The following CERKL variants were observed in gnomAD, a reference collection of about 807,000 sequenced individuals.
CERKL encodes the protein CERK like autophagy regulator.
In CERKL, 61 loss-of-function variants were observed where a neutral mutation model predicts 63.4. That is an observed-to-expected ratio of 0.96 (90% CI 0.78 to 1.19). The LOEUF (loss-of-function observed/expected upper bound fraction) is 1.19, where lower values mean the gene tolerates loss of function less well. CERKL is among the 50% of genes most tolerant of loss of function. The pLI is 0.00. For synonymous variants in CERKL, 250 were observed against 230.5 expected (o/e 1.08, Z -0.77); for missense variants, 675 against 655.5 (o/e 1.03, Z -0.33).
chr2:181,561,061 G>A (rs1441632128), intron 4 of CERKL, among the ~76,000 whole-genome samples: 1 of 152,098 alleles, frequency 6.6e-6, no homozygotes, highest in African/African-American at 2.4e-5. Flanking sequence ...AAGGGAGGTT[G>A]GATATGCCTC....
At chr2:181,592,283 G>C (rs1685020859) in intron 2 of CERKL, among the ~76,000 whole-genome samples, 1 of 151,910 alleles carries the variant, frequency 6.6e-6, no homozygotes, top group Non-Finnish European at 1.5e-5. Flanking sequence ...CTCTAAAATT[G>C]CCAGATCAAT....
chr2:181,574,268 A>G (rs1689030093), intron 2 of CERKL, among the ~76,000 whole-genome samples: 1 of 152,166 alleles, frequency 6.6e-6, no homozygotes, highest in Admixed American at 6.5e-5. Flanking sequence ...AGAAGGGTAC[A>G]TTTCCTCTCC....
chr2:181,574,032 T>G lies in CERKL; in HGVS notation c.482-148A>C, dbSNP rs148165004. 1.0e-4 allele frequency: 72 copies of G among 714,136 alleles called. No individual in the cohort carries two copies. The African/African-American group carries it at 1.1e-3, about 10-fold the overall frequency. 44.2% of individuals were successfully genotyped at this position (714,136 alleles called of 1,614,324 possible). ...ATTTGAAATTCTTGCAAGAGTATTC[T>G]GAATATAACTTTATTTGAAAACATT... On this transcript the variant is annotated intron_variant, in intron 2 of 12. Coordinates refer to ENST00000410087, the MANE Select transcript of CERKL (RefSeq NM_201548.5).
intron 11 of CERKL, among the ~76,000 whole-genome samples, chr2:181,541,329 G>A (rs926155687): frequency 6.6e-6 from 1 of 152,154 alleles, no homozygotes; most frequent in Non-Finnish European, 1.5e-5. Context: ...TGCTGACATT[G>A]TCTTGCAGCT....
chr2:181,603,922 T>C lies in CERKL; in HGVS notation c.396A>G (p.Lys132=), dbSNP rs753852901. The C allele has an allele frequency of 1.9e-6, 3 of 1,613,008 alleles. No individual in the cohort carries two copies. The highest frequency in any genetic ancestry group is 2.7e-5 in the African/African-American group (2 of 74,872). Residue 132 remains lysine (K), a synonymous_variant, in exon 2 of 13, where the codon AAA becomes AAG. Coordinates refer to ENST00000410087, the MANE Select transcript of CERKL (RefSeq NM_201548.5). ...TAAGATCAAGTGTAGAATTCTTTAGTTTATTTTGTTCCTTTTTCAAGCAGA... is the reference window on the plus strand; with the variant it reads ...TAAGATCAAGTGTAGAATTCTTTAGCTTATTTTGTTCCTTTTTCAAGCAGA... ...LFICLKKEQN[K]LKNSTLDLIN... is the part of the protein sequence containing the mutation.
At chr2:181,561,024 C>G (rs923146070) in intron 4 of CERKL, among the ~76,000 whole-genome samples, 1 of 152,122 alleles carries the variant, frequency 6.6e-6, no homozygotes, top group Non-Finnish European at 1.5e-5. Context: ...CAAAGAAAAT[C>G]TGAAAAACTA....
chr2:181,536,913 A>T lies in CERKL; in HGVS notation c.*1271T>A, dbSNP rs377401732. The T allele has an allele frequency of 2.2e-6, 1 of 453,516 alleles. No homozygotes were observed. The highest frequency in any genetic ancestry group is 7.0e-5 in the East Asian group (1 of 14,388). 28.1% of individuals were successfully genotyped at this position (453,516 alleles called of 1,614,324 possible). On this transcript the variant is annotated 3_prime_UTR_variant, in exon 13 of 13. Transcript: ENST00000410087. ...GATCAAATTAGAAGGCAATGTGGAA[A>T]AACAATTCTGGGAAAGATTTCTTTA... is the stretch of plus-strand genomic sequence containing the variant.
At chr2:181,587,033 C>T (rs569541165) in intron 2 of CERKL, among the ~76,000 whole-genome samples, 1 of 152,146 alleles carries the variant, frequency 6.6e-6, no homozygotes, top group East Asian at 1.9e-4. Flanking sequence ...TTAAACTATG[C>T]CCAGTTAATG....
chr2:181,629,390 A>C (rs1229944666), intron 1 of CERKL, among the ~76,000 whole-genome samples: 3 of 152,232 alleles, frequency 2.0e-5, no homozygotes, highest in Admixed American at 6.5e-5. Context: ...GTAAATGCTC[A>C]GACCTGAATA....
intron 6 of CERKL, 106 bp from the exon 7 acceptor site, chr2:181,548,963 T>C (rs933742760): frequency 3.1e-6 from 3 of 957,862 alleles, no homozygotes; most frequent in Non-Finnish European, 4.9e-6. Flanking sequence ...TATCTAAAGG[T>C]ACTGTAGACC....
intron 1 of CERKL, among the ~76,000 whole-genome samples, chr2:181,607,676 G>T (rs764033873): frequency 1.3e-5 from 2 of 152,266 alleles, no homozygotes; most frequent in Admixed American, 1.3e-4. Flanking sequence ...TATGGCCAGG[G>T]TCCCCAAAAT....
At chr2:181,610,870 C>T (rs1023729766) in intron 1 of CERKL, among the ~76,000 whole-genome samples, 2 of 151,918 alleles carry the variant, frequency 1.3e-5, no homozygotes, top group Admixed American at 6.6e-5. Context: ...GGTTTTGATC[C>T]AGCAATTTAC....
At chr2:181,587,198 C>G (rs1246712134) in intron 2 of CERKL, among the ~76,000 whole-genome samples, 1 of 152,126 alleles carries the variant, frequency 6.6e-6, no homozygotes, top group African/African-American at 2.4e-5. Context: ...TCTTTACATA[C>G]ACAGATGAAA....
intron 3 of CERKL, among the ~76,000 whole-genome samples, chr2:181,567,622 G>A (rs1688720911): frequency 6.6e-6 from 1 of 152,036 alleles, no homozygotes; most frequent in Admixed American, 6.6e-5. Context: ...AAAATGAAAA[G>A]AACCTGACTA....
chr2:181,604,011 G>C lies in CERKL; in HGVS notation c.307C>G (p.Leu103Val), dbSNP rs759876459. ...TGTTTAACAGAACAACGCCGTTTCA[G>C]TTTCACAGAGAATATGTCTTTGAGT... ...IELKDIFSVK[L>V]KRRCSVKQQR... The change falls in exon 2 of 13, where the codon CTG (leucine) becomes GTG (valine). Residue 103 changes from leucine to valine, a missense_variant. By Grantham distance (32) the Leu-to-Val change is conservative (BLOSUM62 1). Transcript: ENST00000410087. 6.2e-7 allele frequency: 1 copy of C among 1,612,190 alleles called. No homozygotes were observed. The highest frequency in any genetic ancestry group is 8.5e-7 in the Non-Finnish European group (1 of 1,178,748).
At position 181,536,716 on chromosome 2, in the gene CERKL, T is replaced by G. The variant is rs1470030360; in HGVS notation, c.*1468A>C. ...ATTTTTATAGTTTGTTCATACTATA[T>G]GAGGTTCTATTTTAAATGACTTTCT... On this transcript the variant is annotated 3_prime_UTR_variant, in exon 13 of 13. Transcript: ENST00000410087. 1 of 236,938 alleles carries G rather than the reference T, an allele frequency of 4.2e-6. No homozygotes were observed. Among genetic ancestry groups the G allele is most frequent in the East Asian group, 1.1e-4 (1 of 9,232 alleles). The allele number at this position is 236,938 out of a possible 1,614,324, so 14.7% of individuals were successfully genotyped here. A position where few individuals can be genotyped will look rare whatever the true frequency, so the allele number is the denominator to read the frequency against.
intron 1 of CERKL, among the ~76,000 whole-genome samples, chr2:181,620,119 C>A (rs1393192336): frequency 1.3e-5 from 2 of 152,128 alleles, no homozygotes; most frequent in African/African-American, 4.8e-5. Flanking sequence ...CTTTTGTGGC[C>A]TGAACTTGCT....
intron 1 of CERKL, among the ~76,000 whole-genome samples, chr2:181,617,716 T>C (rs1686259492): frequency 6.6e-6 from 1 of 152,182 alleles, no homozygotes; most frequent in South Asian, 2.1e-4. Context: ...AAAATATCCA[T>C]TCAAAGTACA....
At chr2:181,592,562 T>C (rs530909954) in intron 2 of CERKL, among the ~76,000 whole-genome samples, 1 of 152,182 alleles carries the variant, frequency 6.6e-6, no homozygotes, top group Non-Finnish European at 1.5e-5. Flanking sequence ...CTGAATGGCA[T>C]ATCAAAGACA....
Sources: gnomAD v4.1 joint callset for allele counts (sites outside exome capture counted in the v4.1 genomes callset) on GRCh38, gnomAD v4.1.1 for gene constraint, MANE v1.5 for transcripts, NCBI Gene and HGNC (gene_info 2026-07-23, HGNC 2026-07-21) for gene names.